VPS50: variants seen among roughly 807,000 people sequenced by gnomAD.
VPS50 encodes VPS50 subunit of EARP/GARPII complex, also known as syndetin.
Under a neutral mutation model 139.7 loss-of-function variants are expected in VPS50, and 70 were observed. The observed-to-expected ratio is 0.50, with a 90% CI of 0.41 to 0.61. The LOEUF is 0.61. Ranked by LOEUF, VPS50 falls within the 20% of genes least tolerant of loss-of-function variation. VPS50 has a pLI of 0.00. For missense variants in VPS50, 921 were observed against 1,133.7 expected (o/e 0.81, Z 2.69); for synonymous variants, 365 against 376.7 (o/e 0.97, Z 0.36).
At chr7:93,250,047 C>T (rs1319587917) in intron 2 of VPS50, among the ~76,000 whole-genome samples, 3 of 151,770 alleles carry the variant, frequency 2.0e-5, no homozygotes, top group Non-Finnish European at 4.4e-5. Flanking sequence ...TGATTGCACG[C>T]TGACTCAGTG....
At chr7:93,314,407 G>A (rs1180526882) in intron 20 of VPS50, among the ~76,000 whole-genome samples, 1 of 152,200 alleles carries the variant, frequency 6.6e-6, no homozygotes, top group East Asian at 1.9e-4. Flanking sequence ...GGGAGGCTTT[G>A]CACTAGTGGA....
At chr7:93,309,190 T>G (rs1797197936) in intron 19 of VPS50, among the ~76,000 whole-genome samples, 1 of 151,954 alleles carries the variant, frequency 6.6e-6, no homozygotes, top group Non-Finnish European at 1.5e-5. Flanking sequence ...TTGCAAAACC[T>G]TTGCTGGTAT....
chr7:93,351,242 A>C (rs1429122313), intron 25 of VPS50, among the ~76,000 whole-genome samples: 2 of 152,184 alleles, frequency 1.3e-5, no homozygotes, highest in African/African-American at 4.8e-5. Context: ...TTCAGAGACC[A>C]TTGACCTTGA....
rs768599755 is a variant in VPS50, at chr7:93,297,235, T to C, written c.1353T>C (p.Asn451=). Residue 451 remains asparagine (N), a synonymous_variant, in exon 16 of 28, where the codon AAT becomes AAC. Coordinates refer to ENST00000305866, the MANE Select transcript of VPS50 (RefSeq NM_017667.4). ...AACAAAGTGTCAATTATTTCAAGAA[T>C]TACCATAGGTAAGAACTCTAATAAG... ...IRKQSVNYFK[N]YHRTRLDELR... 6.4e-7 allele frequency: 1 copy of C among 1,552,046 alleles called. No homozygotes were observed. Among genetic ancestry groups the C allele is most frequent in the Non-Finnish European group, 8.6e-7 (1 of 1,161,244 alleles).
chr7:93,335,299 T>C (rs1011502225), intron 22 of VPS50, among the ~76,000 whole-genome samples: 1 of 152,190 alleles, frequency 6.6e-6, no homozygotes, highest in African/African-American at 2.4e-5. Context: ...ATATCTCAGG[T>C]GAGCGCTGTT....
chr7:93,246,002 T>C lies in VPS50; in HGVS notation c.102+6068T>C. The C allele has an allele frequency of 5.7e-6, 4 of 705,920 alleles. No homozygotes were observed. The East Asian group carries it at 8.1e-5, about 14-fold the overall frequency. 43.7% of individuals were successfully genotyped at this position (705,920 alleles called of 1,614,324 possible). A position where few individuals can be genotyped will look rare whatever the true frequency, so the allele number is the denominator to read the frequency against. ...TTTCTGTTCAGTGATTAATGACTTT[T>C]GTAATACTGACTGAATATTGAAAAC... On this transcript the variant is annotated intron_variant, in intron 2 of 27. Transcript: ENST00000305866.
At chr7:93,254,747 TTA>T (rs1795438337) in intron 4 of VPS50, among the ~76,000 whole-genome samples, 1 of 152,176 alleles carries the variant, frequency 6.6e-6, no homozygotes, top group Non-Finnish European at 1.5e-5. Context: ...TATAATTTCT[TTA>T]TGTTAGGCTA....
chr7:93,232,504 A>C lies in VPS50; in HGVS notation c.33+4A>C. The stretch of plus-strand genomic sequence containing the variant: ...CAAATCTCTCATGACCCGACAGGTA[A>C]GTCGCGGCGGCTGAAGCAAAGGCTT... On this transcript the variant is annotated splice_donor_region_variant and intron_variant, in intron 1 of 27. Transcript: ENST00000305866. 6.2e-7 allele frequency: 1 copy of C among 1,613,136 alleles called. No individual in the cohort carries two copies. Among genetic ancestry groups the C allele is most frequent in the Non-Finnish European group, 8.5e-7 (1 of 1,179,212 alleles).
rs1796006165 is a variant in VPS50, at chr7:93,271,407, AT to A, written c.702+148del. 4 of 1,292,178 alleles carry A rather than the reference AT, an allele frequency of 3.1e-6. No homozygotes were observed. The African/African-American group carries it at 6.1e-5, about 20-fold the overall frequency. 80.0% of individuals were successfully genotyped at this position (1,292,178 alleles called of 1,614,324 possible). A position where few individuals can be genotyped will look rare whatever the true frequency, so the allele number is the denominator to read the frequency against. On this transcript the variant is annotated intron_variant, in intron 10 of 27. Transcript: ENST00000305866. ...TTCTTGATTTTCATTTGGAATATCTATTTATGGTCAAGTTAGTGTAAAAATT... is the reference window on the plus strand; with the variant it reads ...TTCTTGATTTTCATTTGGAATATCTATTATGGTCAAGTTAGTGTAAAAATT...
intron 8 of VPS50, among the ~76,000 whole-genome samples, chr7:93,258,930 G>C (rs755459302): frequency 1.3e-5 from 2 of 151,984 alleles, no homozygotes; most frequent in Non-Finnish European, 2.9e-5. Flanking sequence ...AATTGCATCT[G>C]TTGAATTTAG....
At position 93,256,523 on chromosome 7, in the gene VPS50, G is replaced by T; in HGVS notation, c.312G>T (p.Val104=). The T allele has an allele frequency of 6.9e-7, 1 of 1,440,530 alleles. No individual in the cohort carries two copies. 89.2% of individuals were successfully genotyped at this position (1,440,530 alleles called of 1,614,324 possible). A position where few individuals can be genotyped will look rare whatever the true frequency, so the allele number is the denominator to read the frequency against. The change falls in exon 5 of 28, where the codon GTG becomes GTT. Residue 104 remains valine, a synonymous_variant. Coordinates refer to ENST00000305866, the MANE Select transcript of VPS50 (RefSeq NM_017667.4). ...KQQQAAVSKK[V]ADLILEKQPA... is the part of the protein sequence containing the mutation. ...TCTTCTTATAGGTATCTAAAAAAGT[G>T]GCAGATTTAATCCTTGAAAAACAGC...
intron 21 of VPS50, among the ~76,000 whole-genome samples, chr7:93,331,441 A>C (rs1456871233): frequency 6.6e-6 from 1 of 152,180 alleles, no homozygotes; most frequent in African/African-American, 2.4e-5. Flanking sequence ...AGACACACTT[A>C]CATGGTCAAC....
chr7:93,254,738 A>G (rs2116828698), intron 4 of VPS50, among the ~76,000 whole-genome samples: 1 of 152,296 alleles, frequency 6.6e-6, no homozygotes, highest in East Asian at 1.9e-4. Context: ...CTCTGATTGT[A>G]TAATTTCTTT....
At chr7:93,239,044 A>G (rs1794901686) in intron 1 of VPS50, among the ~76,000 whole-genome samples, 1 of 152,212 alleles carries the variant, frequency 6.6e-6, no homozygotes, top group South Asian at 2.1e-4. Flanking sequence ...AATAGTCAAC[A>G]TAAGCATACC....
intron 20 of VPS50, among the ~76,000 whole-genome samples, chr7:93,316,915 T>C (rs560521415): frequency 3.3e-5 from 5 of 152,152 alleles, no homozygotes; most frequent in Non-Finnish European, 7.3e-5. Context: ...TTTGAGTTCA[T>C]AGAAAACCAG....
intron 21 of VPS50, chr7:93,333,852 A>G (rs1798001493): frequency 2.6e-6 from 1 of 384,764 alleles, no homozygotes; most frequent in African/African-American, 2.1e-5. Flanking sequence ...CTCGCGAGAA[A>G]GAAATTCTGG....
At chr7:93,274,027 A>G (rs1189866307) in intron 11 of VPS50, among the ~76,000 whole-genome samples, 1 of 152,048 alleles carries the variant, frequency 6.6e-6, no homozygotes, top group Non-Finnish European at 1.5e-5. Context: ...TTAATTCACA[A>G]ATGTGTGTGT....
chr7:93,335,018 T>C (rs116426744), intron 22 of VPS50, among the ~76,000 whole-genome samples: 141 of 152,318 alleles, frequency 9.3e-4, no homozygotes, highest in African/African-American at 3.2e-3. Flanking sequence ...ACCTCTGTTA[T>C]TGAAGCTTTT....
chr7:93,328,554 A>C (rs1376530543), intron 21 of VPS50, among the ~76,000 whole-genome samples: 1 of 152,218 alleles, frequency 6.6e-6, no homozygotes, highest in Non-Finnish European at 1.5e-5. Context: ...AAAGGCAACT[A>C]TTTGAAGACG....
Sources: allele counts gnomAD v4.1 joint callset (sites outside exome capture counted in the v4.1 genomes callset), GRCh38; gene constraint gnomAD v4.1.1; transcripts MANE v1.5; gene names NCBI Gene and HGNC (gene_info 2026-07-23, HGNC 2026-07-21).